DDHD1: variants seen among roughly 807,000 people sequenced by gnomAD.
The protein encoded by DDHD1 is phospholipase DDHD1.
A neutral mutation model predicts 96.4 loss-of-function variants in DDHD1; 49 were observed. The ratio of observed to expected loss-of-function variants is 0.51; its 90% CI spans 0.40 to 0.64. The LOEUF is 0.64. Among genes scored for constraint, DDHD1 ranks in the 30% least tolerant of loss-of-function variants. The probability of loss-of-function intolerance (pLI) is 0.00; values close to 1 mark genes in which losing one functional copy is unlikely to be tolerated. For missense variants in DDHD1, 1,106 were observed against 1,161.2 expected, an observed-to-expected ratio of 0.95 and a Z score of 0.69; for synonymous variants, 442 against 446.5, an observed-to-expected ratio of 0.99 and a Z score of 0.13.
chr14:53,131,155 C>T (rs550372584), intron 1 of DDHD1, among the ~76,000 whole-genome samples: 14 of 152,196 alleles, frequency 9.2e-5, no homozygotes, highest in East Asian at 3.9e-4. Context: ...CTTATTAGGT[C>T]GAGGCATTTT....
chr14:53,083,292 T>C (rs1190535762), intron 4 of DDHD1, among the ~76,000 whole-genome samples: 1 of 152,184 alleles, frequency 6.6e-6, no homozygotes, highest in African/African-American at 2.4e-5. Flanking sequence ...AAAACCTCTT[T>C]ATAGTCTTCT....
chr14:53,092,147 G>A (rs925458907), intron 3 of DDHD1: 5 of 357,902 alleles, frequency 1.4e-5, no homozygotes, highest in Non-Finnish European at 2.5e-5. Context: ...TAAAGAGAAA[G>A]AAATGGAAGG....
chr14:53,047,472 T>C (rs966803228), intron 12 of DDHD1, among the ~76,000 whole-genome samples: 1 of 152,176 alleles, frequency 6.6e-6, no homozygotes, highest in Non-Finnish European at 1.5e-5. Context: ...TCTTCTCTAC[T>C]AGGCTGAATG....
chr14:53,101,283 T>C (rs1398497029), intron 2 of DDHD1, among the ~76,000 whole-genome samples: 1 of 152,146 alleles, frequency 6.6e-6, no homozygotes, highest in Non-Finnish European at 1.5e-5. Flanking sequence ...AGACTTGTTA[T>C]TATTTTCAAA....
chr14:53,113,877 C>T (rs1318158464), intron 1 of DDHD1, among the ~76,000 whole-genome samples: 4 of 152,170 alleles, frequency 2.6e-5, no homozygotes, highest in African/African-American at 9.7e-5. Flanking sequence ...AGTGAGACTT[C>T]ACTTCCCTAG....
intron 1 of DDHD1, among the ~76,000 whole-genome samples, chr14:53,128,489 T>G (rs900807611): frequency 2.0e-5 from 3 of 152,182 alleles, no homozygotes; most frequent in African/African-American, 7.2e-5. Flanking sequence ...GTTAATGCGA[T>G]TCACAGGACT....
At chr14:53,066,299 GCAC>G (rs1884009418) in intron 6 of DDHD1, among the ~76,000 whole-genome samples, 1 of 152,090 alleles carries the variant, frequency 6.6e-6, no homozygotes, top group South Asian at 2.1e-4. Context: ...TTACAGGTGT[GCAC>G]CACCACGCCT....
At chr14:53,148,842 T>C (rs1352168127) in intron 1 of DDHD1, among the ~76,000 whole-genome samples, 1 of 152,168 alleles carries the variant, frequency 6.6e-6, no homozygotes, top group African/African-American at 2.4e-5. Flanking sequence ...GTGTATAGTT[T>C]TTGTGAGACC....
chr14:53,053,337 C>A lies in DDHD1; in HGVS notation c.2437+1101G>T, dbSNP rs1030898687. ...TATAGAAGGTAAAATATATTTAATGCAAATATCAAAGTCTAAAAAAGAATT... is the reference window on the plus strand; with the variant it reads ...TATAGAAGGTAAAATATATTTAATGAAAATATCAAAGTCTAAAAAAGAATT... On this transcript the variant is annotated intron_variant, in intron 11 of 12. Transcript: ENST00000673822. 2.0e-5 allele frequency: 3 copies of A among 152,056 alleles called. No individual in the cohort carries two copies. In the East Asian group the frequency reaches 5.8e-4, roughly 29 times the overall value. The allele number at this position is 152,056 out of a possible 1,614,324, so 9.4% of individuals were successfully genotyped here. A position where few individuals can be genotyped will look rare whatever the true frequency, so the allele number is the denominator to read the frequency against.
chr14:53,126,188 A>C (rs979537470), intron 1 of DDHD1, among the ~76,000 whole-genome samples: 1 of 152,196 alleles, frequency 6.6e-6, no homozygotes, highest in African/African-American at 2.4e-5. Flanking sequence ...CCAAGGTAAA[A>C]ATATTTTCAG....
chr14:53,056,027 T>G, intron 9 of DDHD1, 115 bp from the exon 10 acceptor site: 2 of 850,776 alleles, frequency 2.4e-6, no homozygotes, highest in Non-Finnish European at 3.6e-6. Context: ...AGGAATTTAA[T>G]TAAAAAACAA....
In DDHD1 at chr14:53,144,582, G is replaced by A. The variant is rs138432302; in HGVS notation, c.838+7679C>T. The stretch of plus-strand genomic sequence containing the variant: ...GTTTAAAAAATAAACAAACTTGGGT[G>A]CACTTAATGTTGAAACAGATACCAG... On this transcript the variant is annotated intron_variant, in intron 1 of 12. Transcript: ENST00000673822. Among the ~76,000 whole-genome samples the A allele has an allele frequency of 6.3e-3, 967 of 152,294 alleles. 13 individuals are homozygous for A. The highest frequency in any genetic ancestry group is 0.021 in the African/African-American group (877 of 41,562).
chr14:53,079,935 T>C (rs1010700150), intron 4 of DDHD1, among the ~76,000 whole-genome samples: 1 of 152,236 alleles, frequency 6.6e-6, no homozygotes, highest in Non-Finnish European at 1.5e-5. Flanking sequence ...TATGCAATTT[T>C]GATAGATACT....
At chr14:53,083,192 GC>G (rs1267856820) in intron 4 of DDHD1, among the ~76,000 whole-genome samples, 16 of 151,224 alleles carry the variant, frequency 1.1e-4, no homozygotes, top group Non-Finnish European at 1.8e-4. Flanking sequence ...ATGCCTTTTT[GC>G]TTTTTAAAAT....
chr14:53,116,243 G>A (rs894172207), intron 1 of DDHD1, among the ~76,000 whole-genome samples: 1 of 152,102 alleles, frequency 6.6e-6, no homozygotes, highest in Admixed American at 6.5e-5. Context: ...TAGAGACCTA[G>A]AAAGAGACTT....
intron 4 of DDHD1, among the ~76,000 whole-genome samples, chr14:53,085,503 A>C (rs568656470): frequency 6.6e-6 from 1 of 152,334 alleles, no homozygotes; most frequent in East Asian, 1.9e-4. Context: ...ACCCAGGCAA[A>C]CAGGGTCTGG....
intron 4 of DDHD1, among the ~76,000 whole-genome samples, chr14:53,080,859 G>A (rs1233780508): frequency 1.3e-5 from 2 of 151,608 alleles, no homozygotes; most frequent in African/African-American, 2.4e-5. Flanking sequence ...AGCCTCCCAT[G>A]TAGCTAGGAC....
intron 1 of DDHD1, among the ~76,000 whole-genome samples, chr14:53,119,618 C>T (rs1445902064): frequency 2.0e-5 from 3 of 152,192 alleles, no homozygotes; most frequent in Admixed American, 6.5e-5. Context: ...TACAAGTCAG[C>T]TTCATCCCTG....
chr14:53,060,660 G>C (rs1883465382), intron 8 of DDHD1, among the ~76,000 whole-genome samples: 1 of 152,106 alleles, frequency 6.6e-6, no homozygotes, highest in Admixed American at 6.6e-5. Flanking sequence ...TTTCTCATCT[G>C]TCTCTATTTT....
Sources: allele counts gnomAD v4.1 joint callset (sites outside exome capture counted in the v4.1 genomes callset), GRCh38; gene constraint gnomAD v4.1.1; transcripts MANE v1.5; gene names NCBI Gene and HGNC (gene_info 2026-07-23, HGNC 2026-07-21).